The following EDARADD variants were observed in gnomAD, a reference collection of about 807,000 sequenced individuals.
EDARADD encodes the protein EDAR associated via death domain, also known as ectodysplasin-A receptor-associated adapter protein.
A neutral mutation model predicts 25.6 loss-of-function variants in EDARADD; 20 were observed. The observed-to-expected ratio is 0.78, with a 90% CI of 0.55 to 1.14. The LOEUF is 1.14. Among genes scored for constraint, EDARADD ranks in the 50% most tolerant of loss-of-function variants. The pLI, the probability that EDARADD is intolerant of heterozygous loss-of-function variation, is 0.00. For synonymous variants in EDARADD, 86 were observed against 94.4 expected (o/e 0.91, Z 0.52); for missense variants, 225 against 270.1 (o/e 0.83, Z 1.17).
intron 4 of EDARADD, among the ~76,000 whole-genome samples, chr1:236,441,095 T>C (rs1658385259): frequency 6.6e-6 from 1 of 151,792 alleles, no homozygotes; most frequent in African/African-American, 2.4e-5. Context: ...TGAAGGAAAT[T>C]AAAAGGGCTA....
At chr1:236,355,473 T>A (rs554398141) in intron 3 of EDARADD, among the ~76,000 whole-genome samples, 5 of 146,802 alleles carry the variant, frequency 3.4e-5, no homozygotes, top group African/African-American at 1.2e-4. Flanking sequence ...ACATTTCCCA[T>A]CCACTCATTC....
chr1:236,414,265 C>T lies in EDARADD; in HGVS notation c.126C>T (p.Asp42=). 1 of 1,610,070 alleles carries T rather than the reference C, an allele frequency of 6.2e-7. No individual in the cohort carries two copies. Among genetic ancestry groups the T allele is most frequent in the Non-Finnish European group, 8.5e-7 (1 of 1,176,494 alleles). ...DPSTLSFNMS[D]KYPIQDTELP... ...TCTTTTGTTGGTTTCTACAGTCAGA[C>T]AAATATCCCATTCAAGATACGGAAC... Residue 42 remains aspartate (D), a synonymous_variant, in exon 3 of 6, where the codon GAC becomes GAT. Transcript: ENST00000334232.
At position 236,483,857 on chromosome 1, in the gene EDARADD, T is replaced by C. The variant is rs1659755142; in HGVS notation, c.*1208T>C. 3.6e-6 allele frequency: 5 copies of C among 1,406,802 alleles called. No homozygotes were observed. Among genetic ancestry groups the C allele is most frequent in the South Asian group, 1.2e-5 (1 of 86,754 alleles). 87.1% of individuals were successfully genotyped at this position (1,406,802 alleles called of 1,614,324 possible). A position where few individuals can be genotyped will look rare whatever the true frequency, so the allele number is the denominator to read the frequency against. On this transcript the variant is annotated 3_prime_UTR_variant, in exon 6 of 6. Transcript: ENST00000334232. ...GCCTGGAGCTGCTGAAGACTGCGAT[T>C]GGGAAAGCTGGCTACACTGATAAGG...
At chr1:236,397,975 G>C (rs1178590838) in intron 1 of EDARADD, among the ~76,000 whole-genome samples, 1 of 152,032 alleles carries the variant, frequency 6.6e-6, no homozygotes, top group Admixed American at 6.6e-5. Context: ...CTTTACCCCA[G>C]ACCAAGTGAC....
intron 3 of EDARADD, among the ~76,000 whole-genome samples, chr1:236,372,880 A>G (rs1046168009): frequency 6.7e-6 from 1 of 149,106 alleles, no homozygotes; most frequent in Non-Finnish European, 1.5e-5. Context: ...TATGTTTTTA[A>G]TGCCCATGGG....
At chr1:236,349,348 A>C (rs577833613) in intron 2 of EDARADD, among the ~76,000 whole-genome samples, 1 of 152,300 alleles carries the variant, frequency 6.6e-6, no homozygotes, top group South Asian at 2.1e-4. Context: ...AACTCTGTAA[A>C]ATATTTTAAG....
At chr1:236,456,658 C>T (rs1318994451) in intron 4 of EDARADD, among the ~76,000 whole-genome samples, 1 of 152,096 alleles carries the variant, frequency 6.6e-6, no homozygotes, top group Non-Finnish European at 1.5e-5. Flanking sequence ...CCGCTGGGAA[C>T]AAACCCTCTA....
intron 1 of EDARADD, among the ~76,000 whole-genome samples, chr1:236,403,577 A>G (rs1571913431): frequency 6.6e-6 from 1 of 152,258 alleles, no homozygotes; most frequent in South Asian, 2.1e-4. Flanking sequence ...GTGAGCCACC[A>G]CGCCCAGCCT....
At chr1:236,420,665 ACT>A (rs1215346122) in intron 3 of EDARADD, among the ~76,000 whole-genome samples, 2 of 152,070 alleles carry the variant, frequency 1.3e-5, no homozygotes, top group African/African-American at 4.8e-5. Context: ...GTATAATCCC[ACT>A]CTCTACTGTC....
At chr1:236,352,085 C>G (rs1542155) in intron 3 of EDARADD, among the ~76,000 whole-genome samples, 23,334 of 152,074 alleles carry the variant, frequency 0.15, 2,288 homozygotes, top group East Asian at 0.43. Flanking sequence ...CAGCTTGGCC[C>G]ACACCCTGGT....
chr1:236,405,858 CTTCCTTCCTTCCTTCCT>C (rs1558112705), intron 1 of EDARADD, among the ~76,000 whole-genome samples: 19 of 46,660 alleles, frequency 4.1e-4, no homozygotes, highest in African/African-American at 1.7e-3. Context: ...TCCTTCCTTC[CTTCCTTCCTTCCTTCCT>C]TCTTTCTTTC....
At chr1:236,416,589 C>T (rs993921966) in intron 3 of EDARADD, among the ~76,000 whole-genome samples, 1 of 152,180 alleles carries the variant, frequency 6.6e-6, no homozygotes, top group African/African-American at 2.4e-5. Flanking sequence ...AAACCATACC[C>T]TAGGTCTTCC....
intron 4 of EDARADD, among the ~76,000 whole-genome samples, chr1:236,434,903 T>C (rs1658201175): frequency 6.6e-6 from 1 of 152,216 alleles, no homozygotes; most frequent in Admixed American, 6.5e-5. Flanking sequence ...AGATGGATGC[T>C]ATTGACAAGA....
Position 236,414,462 on chromosome 1 carries a change from C to T in EDARADD, c.160+163C>T, listed in dbSNP as rs625443. Among the ~76,000 whole-genome samples, 67,774 of 152,064 alleles carry T rather than the reference C, an allele frequency of 0.45. 17,471 individuals are homozygous for T. Among genetic ancestry groups the T allele is most frequent in the Non-Finnish European group, 0.59 (39,905 of 67,996 alleles). On this transcript the variant is annotated intron_variant, in intron 3 of 5. Coordinates refer to ENST00000334232, the MANE Select transcript of EDARADD (RefSeq NM_145861.4). ...AATTGTCTCAGAAATTAATTTTTTT[C>T]TTTTTTAAATAGTATCTTTTAACCT...
intron 3 of EDARADD, among the ~76,000 whole-genome samples, chr1:236,386,954 C>T (rs1223662959): frequency 1.2e-3 from 78 of 63,474 alleles, no homozygotes; most frequent in African/African-American, 4.2e-3. Flanking sequence ...CCAGCCGCCC[C>T]GTCCGGGAGG....
At chr1:236,476,549 G>A (rs1433015796) in intron 5 of EDARADD, among the ~76,000 whole-genome samples, 2 of 151,496 alleles carry the variant, frequency 1.3e-5, no homozygotes, top group African/African-American at 4.8e-5. Flanking sequence ...GTTTGAGATG[G>A]AGTTTTGCTC....
intron 2 of EDARADD, among the ~76,000 whole-genome samples, chr1:236,410,722 A>C (rs1475102943): frequency 6.6e-6 from 1 of 152,214 alleles, no homozygotes; most frequent in Non-Finnish European, 1.5e-5. Flanking sequence ...AGTTTTGGTT[A>C]ACTGATTTAG....
chr1:236,410,866 G>C lies in EDARADD; in HGVS notation c.120+1592G>C, dbSNP rs573101007. ...TTGGTAAATTGTAGACAGCGTAGGG[G>C]GTCAAGCTTTGATACCCACTGGAAA... On this transcript the variant is annotated intron_variant, in intron 2 of 5. Coordinates refer to ENST00000334232, the MANE Select transcript of EDARADD (RefSeq NM_145861.4). 5.0e-4 allele frequency among the ~76,000 whole-genome samples: 76 copies of C among 152,212 alleles called. No individual in the cohort carries two copies. In the Middle Eastern group the frequency reaches 0.031, roughly 61 times the overall value.
At chr1:236,474,192 G>A (rs1659444461) in intron 5 of EDARADD, among the ~76,000 whole-genome samples, 1 of 152,056 alleles carries the variant, frequency 6.6e-6, no homozygotes, top group Admixed American at 6.6e-5. Context: ...AAGGACTCAG[G>A]GCAGGGCTAC....
Sources: allele counts gnomAD v4.1 joint callset (sites outside exome capture counted in the v4.1 genomes callset), GRCh38; gene constraint gnomAD v4.1.1; transcripts MANE v1.5; gene names NCBI Gene and HGNC (gene_info 2026-07-23, HGNC 2026-07-21).